GUCY1A2: variants seen among roughly 807,000 people sequenced by gnomAD.
The protein encoded by GUCY1A2 is guanylate cyclase soluble subunit alpha-2.
Under a neutral mutation model 63.5 loss-of-function variants are expected in GUCY1A2, and 27 were observed. The ratio of observed to expected loss-of-function variants is 0.43; its 90% CI spans 0.31 to 0.59. The LOEUF (loss-of-function observed/expected upper bound fraction) is 0.59, where lower values mean the gene tolerates loss of function less well. GUCY1A2 is among the 20% of genes least tolerant of loss of function. The pLI is 0.11. For synonymous variants in GUCY1A2, 364 were observed against 343.5 expected (o/e 1.06, Z -0.66); for missense variants, 768 against 913.3 (o/e 0.84, Z 2.05).
intron 5 of GUCY1A2, among the ~76,000 whole-genome samples, chr11:106,788,802 T>C (rs1046965821): frequency 1.3e-5 from 2 of 152,244 alleles, no homozygotes; most frequent in African/African-American, 2.4e-5. Flanking sequence ...TTGGTTACTA[T>C]AGCTCTGTAG....
chr11:106,794,496 CTA>C (rs1864719086), intron 5 of GUCY1A2, among the ~76,000 whole-genome samples: 1 of 51,030 alleles, frequency 2.0e-5, no homozygotes, highest in Non-Finnish European at 5.9e-5. Context: ...AATGTCCTCA[CTA>C]CACACACACA....
At chr11:106,930,388 G>A (rs181092615) in intron 4 of GUCY1A2, among the ~76,000 whole-genome samples, 364 of 152,252 alleles carry the variant, frequency 2.4e-3, no homozygotes, top group African/African-American at 8.4e-3. Context: ...GCAGTGGTGC[G>A]ATCCTGGCTC....
chr11:106,845,716 T>C (rs1032605565), intron 4 of GUCY1A2, among the ~76,000 whole-genome samples: 2 of 151,548 alleles, frequency 1.3e-5, no homozygotes, highest in African/African-American at 4.8e-5. Context: ...CTTAAGAAGA[T>C]TAGGAGTAGA....
chr11:106,867,697 A>G (rs1355533502), intron 4 of GUCY1A2, among the ~76,000 whole-genome samples: 1 of 152,090 alleles, frequency 6.6e-6, no homozygotes, highest in East Asian at 1.9e-4. Flanking sequence ...GACTCCTCTG[A>G]ATAAGTTAAA....
chr11:106,827,933 A>G, intron 4 of GUCY1A2: 1 of 1,213,252 alleles, frequency 8.2e-7, no homozygotes, highest in Non-Finnish European at 1.2e-6. Flanking sequence ...GCGGCGGAAC[A>G]GCGAGACTCT....
At chr11:106,908,030 A>G (rs75447184) in intron 4 of GUCY1A2, among the ~76,000 whole-genome samples, 5,637 of 152,230 alleles carry the variant, frequency 0.037, 174 homozygotes, top group African/African-American at 0.086. Context: ...GGATTATAAC[A>G]GAAACTTCAG....
At chr11:106,920,859 A>G (rs1860435232) in intron 4 of GUCY1A2, among the ~76,000 whole-genome samples, 1 of 152,104 alleles carries the variant, frequency 6.6e-6, no homozygotes, top group Admixed American at 6.6e-5. Context: ...TGTCCTTATA[A>G]TAATTACTCT....
At chr11:106,969,329 T>G (rs1309141285) in intron 3 of GUCY1A2, among the ~76,000 whole-genome samples, 1 of 152,208 alleles carries the variant, frequency 6.6e-6, no homozygotes, top group East Asian at 1.9e-4. Flanking sequence ...TAATCTTACT[T>G]AAATTTTCAC....
Position 106,685,223 on chromosome 11 carries a change from A to ATACT in GUCY1A2, c.*2322_*2325dup, listed in dbSNP as rs1862503813. Reference sequence around the variant, plus strand: ...GTGACATTTATGGCAATGTAAATGGATACTTATTCTCTAAGTAAAATCATA... The same window carrying ATACT: ...GTGACATTTATGGCAATGTAAATGGATACTTACTTATTCTCTAAGTAAAATCATA... On this transcript the variant is annotated 3_prime_UTR_variant, in exon 8 of 8. Coordinates refer to ENST00000526355, the MANE Select transcript of GUCY1A2 (RefSeq NM_000855.3). The ATACT allele has an allele frequency of 2.9e-5, 6 of 203,798 alleles. No individual in the cohort carries two copies. Among genetic ancestry groups the ATACT allele is most frequent in the Non-Finnish European group, 4.0e-5 (4 of 99,400 alleles). The allele number at this position is 203,798 out of a possible 1,614,324, so 12.6% of individuals were successfully genotyped here. A position where few individuals can be genotyped will look rare whatever the true frequency, so the allele number is the denominator to read the frequency against.
At chr11:106,919,255 G>C (rs1860409289) in intron 4 of GUCY1A2, among the ~76,000 whole-genome samples, 1 of 152,028 alleles carries the variant, frequency 6.6e-6, no homozygotes, top group African/African-American at 2.4e-5. Flanking sequence ...TTGGTCAAAG[G>C]CTACAAACTT....
chr11:106,947,558 A>G (rs1470558048), intron 3 of GUCY1A2, among the ~76,000 whole-genome samples: 1 of 152,074 alleles, frequency 6.6e-6, no homozygotes, highest in Non-Finnish European at 1.5e-5. Context: ...TTGTATATGT[A>G]CATATGTATT....
intron 3 of GUCY1A2, among the ~76,000 whole-genome samples, chr11:106,974,040 G>A (rs542610002): frequency 6.6e-6 from 1 of 152,198 alleles, no homozygotes; most frequent in South Asian, 2.1e-4. Context: ...AAGTAGCTGA[G>A]ATGCATTTTC....
intron 7 of GUCY1A2, among the ~76,000 whole-genome samples, chr11:106,704,501 A>G (rs1374527260): frequency 6.6e-6 from 1 of 152,218 alleles, no homozygotes; most frequent in Non-Finnish European, 1.5e-5. Context: ...ACATGCTCTC[A>G]TACAATGAGC....
At chr11:106,847,149 T>C (rs1859284373) in intron 4 of GUCY1A2, among the ~76,000 whole-genome samples, 2 of 150,498 alleles carry the variant, frequency 1.3e-5, no homozygotes, top group South Asian at 4.2e-4. Flanking sequence ...ATTCACTCAT[T>C]CCACCAATAT....
chr11:106,730,799 C>A (rs2353441), intron 6 of GUCY1A2, among the ~76,000 whole-genome samples: 129,695 of 152,074 alleles, frequency 0.85, 55,432 homozygotes, highest in East Asian at 0.99. Context: ...ACTTTTTAAT[C>A]ATAGCCATTC....
chr11:106,744,079 C>A (rs1201753279), intron 6 of GUCY1A2, among the ~76,000 whole-genome samples: 1 of 152,090 alleles, frequency 6.6e-6, no homozygotes, highest in Non-Finnish European at 1.5e-5. Flanking sequence ...AAGGAGTATT[C>A]CTATCACCCT....
chr11:106,821,300 T>C (rs1403517239), intron 4 of GUCY1A2, among the ~76,000 whole-genome samples: 1 of 152,246 alleles, frequency 6.6e-6, no homozygotes, highest in Admixed American at 6.5e-5. Flanking sequence ...GAATATTAAA[T>C]TTATATGCAG....
chr11:106,815,116 A>T (rs1425379857), intron 4 of GUCY1A2, among the ~76,000 whole-genome samples: 2 of 152,122 alleles, frequency 1.3e-5, no homozygotes, highest in Non-Finnish European at 2.9e-5. Context: ...AATGTAAATT[A>T]TACAACTGAA....
chr11:106,878,106 T>C (rs1366559504), intron 4 of GUCY1A2, among the ~76,000 whole-genome samples: 1 of 151,976 alleles, frequency 6.6e-6, no homozygotes, highest in African/African-American at 2.4e-5. Flanking sequence ...TAAGAATGGC[T>C]ATTATTAAAA....
Sources: allele counts gnomAD v4.1 joint callset (sites outside exome capture counted in the v4.1 genomes callset), GRCh38; gene constraint gnomAD v4.1.1; transcripts MANE v1.5; gene names NCBI Gene and HGNC (gene_info 2026-07-23, HGNC 2026-07-21).